CCSER1: variants seen among roughly 807,000 people sequenced by gnomAD.
CCSER1 encodes the protein serine-rich coiled-coil domain-containing protein 1.
In CCSER1, 41 loss-of-function variants were observed where a neutral mutation model predicts 82.0. The observed-to-expected ratio is 0.50, with a 90% confidence interval of 0.39 to 0.65. The LOEUF (loss-of-function observed/expected upper bound fraction) is 0.65. CCSER1 is among the 30% of genes least tolerant of loss of function. The probability of loss-of-function intolerance (pLI) is 0.00; values close to 1 mark genes in which losing one functional copy is unlikely to be tolerated. For missense variants in CCSER1, 1,119 were observed against 1,064.2 expected (o/e 1.05, Z -0.72); for synonymous variants, 414 against 383.9 (o/e 1.08, Z -0.92).
chr4:90,410,873 A>G (rs140555809), intron 4 of CCSER1, among the ~76,000 whole-genome samples: 1,547 of 152,304 alleles, frequency 0.01, 17 homozygotes, highest in South Asian at 0.03. Context: ...TTGATAGACC[A>G]CTAGCAAGAC....
chr4:91,460,528 A>C (rs1456148168), intron 10 of CCSER1, among the ~76,000 whole-genome samples: 1 of 152,206 alleles, frequency 6.6e-6, no homozygotes, highest in Non-Finnish European at 1.5e-5. Flanking sequence ...TGTATCTACC[A>C]GCTAGAGTCT....
chr4:91,168,263 G>A (rs1732352909), intron 10 of CCSER1, among the ~76,000 whole-genome samples: 1 of 144,350 alleles, frequency 6.9e-6, no homozygotes, highest in South Asian at 2.3e-4. Context: ...CCCATCATCT[G>A]GGAAGTGAGG....
At chr4:90,612,791 C>G (rs558842636) in intron 5 of CCSER1, among the ~76,000 whole-genome samples, 1 of 152,048 alleles carries the variant, frequency 6.6e-6, no homozygotes, top group Non-Finnish European at 1.5e-5. Context: ...TTGGATAATA[C>G]GTACTCTGTT....
intron 1 of CCSER1, among the ~76,000 whole-genome samples, chr4:90,304,015 G>T (rs897255174): frequency 2.0e-5 from 3 of 151,592 alleles, no homozygotes; most frequent in Non-Finnish European, 4.4e-5. Context: ...ACTTCTCGAA[G>T]ACATTTATGC....
intron 5 of CCSER1, among the ~76,000 whole-genome samples, chr4:90,539,535 TA>T (rs1237071014): frequency 1.1e-4 from 16 of 152,114 alleles, no homozygotes; most frequent in Non-Finnish European, 1.5e-5. Flanking sequence ...TCATTGTTAT[TA>T]TAATTTGATT....
chr4:91,325,411 C>A, intron 10 of CCSER1: 3 of 264,358 alleles, frequency 1.1e-5, no homozygotes, highest in Non-Finnish European at 2.2e-5. Flanking sequence ...AAGGGGTAGG[C>A]AGAAGTATTT....
At chr4:91,493,024 TAGG>T (rs1397516865) in intron 10 of CCSER1, among the ~76,000 whole-genome samples, 4 of 151,952 alleles carry the variant, frequency 2.6e-5, no homozygotes, top group African/African-American at 9.7e-5. Flanking sequence ...CTCATAATGA[TAGG>T]AGATCTCTGA....
chr4:91,335,341 A>G (rs1261577744), intron 10 of CCSER1, among the ~76,000 whole-genome samples: 2 of 152,100 alleles, frequency 1.3e-5, no homozygotes, highest in African/African-American at 2.4e-5. Context: ...CTGTCCCCAC[A>G]TCCAGACCTA....
chr4:91,531,575 G>A (rs1445220425), intron 10 of CCSER1, among the ~76,000 whole-genome samples: 2 of 152,148 alleles, frequency 1.3e-5, no homozygotes, highest in South Asian at 2.1e-4. Context: ...GTTACTCCAT[G>A]TTTTAGTCCA....
intron 1 of CCSER1, among the ~76,000 whole-genome samples, chr4:90,256,390 G>A (rs1723286559): frequency 6.6e-6 from 1 of 152,074 alleles, no homozygotes; most frequent in South Asian, 2.1e-4. Context: ...CTCTGGGGTG[G>A]GCATTATTGA....
intron 6 of CCSER1, among the ~76,000 whole-genome samples, chr4:90,638,221 T>A (rs1003474903): frequency 6.6e-6 from 1 of 152,180 alleles, no homozygotes; most frequent in Non-Finnish European, 1.5e-5. Context: ...TCTACATTGA[T>A]TAAATAAATT....
chr4:91,116,841 A>G (rs1166711224), intron 10 of CCSER1, among the ~76,000 whole-genome samples: 1 of 152,096 alleles, frequency 6.6e-6, no homozygotes, highest in Non-Finnish European at 1.5e-5. Flanking sequence ...GGAATTATAT[A>G]TTTTTTCTTT....
At chr4:91,309,963 G>T (rs1307492843) in intron 10 of CCSER1, among the ~76,000 whole-genome samples, 1 of 151,880 alleles carries the variant, frequency 6.6e-6, no homozygotes, top group Non-Finnish European at 1.5e-5. Flanking sequence ...TCCTGCCTCT[G>T]AAGGCTCTAG....
rs553986024 is a variant in CCSER1, at chr4:91,427,002, G to T, written c.2218-171570G>T. On this transcript the variant is annotated intron_variant, in intron 10 of 10. Coordinates refer to ENST00000509176, the MANE Select transcript of CCSER1 (RefSeq NM_001145065.2). ...AGGAGCTAGGGCACAGTATAGTAAG[G>T]TGACTGTCCTAACATCATAGAATAA... Among the ~76,000 whole-genome samples, 3 of 152,196 alleles carry T rather than the reference G, an allele frequency of 2.0e-5. No individual in the cohort carries two copies. In the South Asian group the frequency reaches 6.2e-4, roughly 32 times the overall value.
chr4:90,683,135 A>C (rs1403761401), intron 6 of CCSER1: 1 of 152,132 alleles, frequency 6.6e-6, no homozygotes, highest in Non-Finnish European at 1.5e-5. Flanking sequence ...TACGAAGATG[A>C]AATAATTATT....
intron 7 of CCSER1, 114 bp downstream of exon 7, chr4:90,724,105 G>T: frequency 5.2e-6 from 3 of 577,602 alleles, no homozygotes; most frequent in East Asian, 3.1e-5. Flanking sequence ...TCAAGGGTCT[G>T]ATTTCAAATC....
chr4:91,273,802 T>G (rs1367514353), intron 10 of CCSER1, among the ~76,000 whole-genome samples: 1 of 152,212 alleles, frequency 6.6e-6, no homozygotes, highest in Non-Finnish European at 1.5e-5. Context: ...GCTGAGAGTT[T>G]TAATCATAAA....
intron 10 of CCSER1, among the ~76,000 whole-genome samples, chr4:91,113,084 A>C (rs1046401841): frequency 1.4e-4 from 21 of 152,214 alleles, no homozygotes; most frequent in African/African-American, 4.1e-4. Flanking sequence ...AAATTATTAC[A>C]TTTTTAAATA....
chr4:91,087,382 T>G (rs1723493232), intron 10 of CCSER1, among the ~76,000 whole-genome samples: 1 of 152,094 alleles, frequency 6.6e-6, no homozygotes, highest in Non-Finnish European at 1.5e-5. Context: ...TTTTTATAGT[T>G]TTTAATGTTA....
Sources: allele counts gnomAD v4.1 joint callset (sites outside exome capture counted in the v4.1 genomes callset), GRCh38; gene constraint gnomAD v4.1.1; transcripts MANE v1.5; gene names NCBI Gene and HGNC (gene_info 2026-07-23, HGNC 2026-07-21).